The following ZC3H12B variants were observed in gnomAD, a reference collection of about 807,000 sequenced individuals.
The protein encoded by ZC3H12B is probable ribonuclease ZC3H12B.
ZC3H12B carries 7 observed loss-of-function variants against 43.9 expected under a neutral mutation model. The ratio of observed to expected loss-of-function variants is 0.16; its 90% confidence interval spans 0.09 to 0.30. ZC3H12B has a LOEUF of 0.30. Ranked by LOEUF, ZC3H12B falls within the 10% of genes least tolerant of loss-of-function variation. The probability of loss-of-function intolerance (pLI) is 1.00; values close to 1 mark genes in which losing one functional copy is unlikely to be tolerated. For missense variants in ZC3H12B, 475 were observed against 670.2 expected (o/e 0.71, Z 3.22); for synonymous variants, 222 against 241.7 (o/e 0.92, Z 0.76).
chrX:65,192,024 G>T, the ZC3H12B span, among the ~76,000 whole-genome samples: 8 of 109,747 alleles, frequency 7.3e-5, no homozygotes, highest in African/African-American at 1.3e-4. Flanking sequence ...TGGTTTCAAA[G>T]AACATCTTTA....
At chrX:65,314,893 T>C in the ZC3H12B span, among the ~76,000 whole-genome samples, 5 of 111,328 alleles carry the variant, frequency 4.5e-5, no homozygotes, top group African/African-American at 1.3e-4. Context: ...GTAACAAGAC[T>C]TTTATATTTT....
chrX:65,258,045 G>T, the ZC3H12B span, among the ~76,000 whole-genome samples: 1 of 111,512 alleles, frequency 9.0e-6, no homozygotes, highest in Admixed American at 9.5e-5. Flanking sequence ...TGTGAGGCCA[G>T]TGTCATCCTG....
At chrX:65,454,186 C>T (rs1031808140) in intron 3 of ZC3H12B, among the ~76,000 whole-genome samples, 2 of 112,566 alleles carry the variant, frequency 1.8e-5, no homozygotes, top group African/African-American at 6.4e-5. Flanking sequence ...TGAAGCAGGG[C>T]GAGGCATCAC....
chrX:65,168,248 G>A, the ZC3H12B span, among the ~76,000 whole-genome samples: 1 of 111,773 alleles, frequency 8.9e-6, no homozygotes, highest in African/African-American at 3.3e-5. Flanking sequence ...AGCATGAAGG[G>A]CTGTTGAATT....
intron 3 of ZC3H12B, among the ~76,000 whole-genome samples, chrX:65,462,314 C>T (rs911102991): frequency 9.0e-6 from 1 of 110,522 alleles, no homozygotes; most frequent in Non-Finnish European, 1.9e-5. Flanking sequence ...AGTTTGAGAC[C>T]AGCCTGGCCA....
At chrX:65,498,372 T>C (rs1226985847) in intron 2 of ZC3H12B, among the ~76,000 whole-genome samples, 1 of 111,789 alleles carries the variant, frequency 8.9e-6, no homozygotes, top group Non-Finnish European at 1.9e-5. Flanking sequence ...GTCCCGTGAA[T>C]GGCTGTCTGA....
the ZC3H12B span, among the ~76,000 whole-genome samples, chrX:65,070,759 G>A: frequency 1.9e-5 from 2 of 106,186 alleles, no homozygotes; most frequent in African/African-American, 6.9e-5. Context: ...AATTTCCTTA[G>A]CCTTGACTTC....
the ZC3H12B span, among the ~76,000 whole-genome samples, chrX:65,103,652 A>T: frequency 8.9e-6 from 1 of 111,905 alleles, no homozygotes; most frequent in African/African-American, 3.2e-5. Flanking sequence ...AAATTATAAA[A>T]GTGGGGAACT....
At chrX:65,403,550 G>C (rs2066788145) in intron 3 of ZC3H12B, among the ~76,000 whole-genome samples, 1 of 111,286 alleles carries the variant, frequency 9.0e-6, no homozygotes, top group Non-Finnish European at 1.9e-5. Flanking sequence ...CAAAGACCAA[G>C]GATAAAAAAA....
chrX:65,428,838 A>T (rs1214812954), intron 3 of ZC3H12B, among the ~76,000 whole-genome samples: 2 of 112,232 alleles, frequency 1.8e-5, no homozygotes, highest in Non-Finnish European at 3.8e-5. Flanking sequence ...TGGCTTTTTA[A>T]GTTTTTGGCA....
chrX:65,373,894 A>T (rs201563488), intron 2 of ZC3H12B, among the ~76,000 whole-genome samples: 55 of 15,843 alleles, frequency 3.5e-3, no homozygotes, highest in African/African-American at 0.018. Context: ...AAAGTATAGT[A>T]ATATATATAT....
intron 3 of ZC3H12B, among the ~76,000 whole-genome samples, chrX:65,425,499 T>G (rs1163692852): frequency 1.8e-5 from 2 of 111,082 alleles, no homozygotes; most frequent in African/African-American, 6.5e-5. Context: ...AATACTATAT[T>G]GAATAGGAAT....
chrX:65,232,998 G>T, the ZC3H12B span, among the ~76,000 whole-genome samples: 1 of 111,933 alleles, frequency 8.9e-6, no homozygotes, highest in South Asian at 3.7e-4. Context: ...AAAAGACAAG[G>T]ATGTGATTTA....
chrX:65,431,982 C>T (rs925365704), intron 3 of ZC3H12B, among the ~76,000 whole-genome samples: 5 of 111,889 alleles, frequency 4.5e-5, no homozygotes, highest in African/African-American at 1.6e-4. Context: ...CATGAAGAAC[C>T]ATCTGTAATC....
intron 3 of ZC3H12B, among the ~76,000 whole-genome samples, chrX:65,475,751 G>A (rs1357092292): frequency 6.2e-5 from 7 of 112,044 alleles, no homozygotes; most frequent in Non-Finnish European, 9.4e-5. Context: ...TTACATGGCG[G>A]CAGGCAAGAG....
chrX:65,064,969 C>CT, the ZC3H12B span, among the ~76,000 whole-genome samples: 32 of 109,316 alleles, frequency 2.9e-4, no homozygotes, highest in East Asian at 8.6e-4. Context: ...GCAACTCCTG[C>CT]TTTTTTTTTC....
At chrX:65,098,918 G>A in the ZC3H12B span, among the ~76,000 whole-genome samples, 3 of 110,850 alleles carry the variant, frequency 2.7e-5, no homozygotes, top group African/African-American at 6.6e-5. Flanking sequence ...TGAAGCCAGG[G>A]AGCTACATGG....
At chrX:65,241,365 G>T in the ZC3H12B span, among the ~76,000 whole-genome samples, 2 of 109,458 alleles carry the variant, frequency 1.8e-5, no homozygotes, top group African/African-American at 6.7e-5. Flanking sequence ...CATTGTGGGG[G>T]GACTCCTCAT....
the ZC3H12B span, among the ~76,000 whole-genome samples, chrX:65,209,494 T>G: frequency 1.1e-5 from 1 of 94,439 alleles, no homozygotes; most frequent in Non-Finnish European, 2.1e-5. Context: ...CGGCTTTGAG[T>G]GAGATTCTTA....
Sources: allele counts gnomAD v4.1 joint callset (sites outside exome capture counted in the v4.1 genomes callset), GRCh38; gene constraint gnomAD v4.1.1; transcripts MANE v1.5; gene names NCBI Gene and HGNC (gene_info 2026-07-23, HGNC 2026-07-21).